Variants in APOBEC1 observed in about 807,000 individuals in gnomAD.
APOBEC1 encodes apolipoprotein B mRNA editing enzyme catalytic subunit 1, also known as C->U-editing enzyme APOBEC-1.
Under a neutral mutation model 26.3 loss-of-function variants are expected in APOBEC1, and 22 were observed. The observed-to-expected ratio is 0.84, with a 90% CI of 0.60 to 1.19. The LOEUF (loss-of-function observed/expected upper bound fraction) is 1.19, where lower values mean the gene tolerates loss of function less well. Ranked by LOEUF, APOBEC1 falls within the 50% of genes most tolerant of loss-of-function variation. The pLI is 0.00. For synonymous variants in APOBEC1, 77 were observed against 95.3 expected (o/e 0.81, Z 1.12); for missense variants, 253 against 289.0 (o/e 0.88, Z 0.90).
upstream of APOBEC1, among the ~76,000 whole-genome samples, chr12:7,670,028 G>A (rs1302049894): frequency 6.7e-6 from 1 of 149,998 alleles, no homozygotes; most frequent in Non-Finnish European, 1.5e-5. Flanking sequence ...TTGTTGCCCA[G>A]GTTGGAGTAC....
chr12:7,655,662 G>A (rs1210306930), intron 1 of APOBEC1, among the ~76,000 whole-genome samples: 1 of 152,202 alleles, frequency 6.6e-6, no homozygotes, highest in African/African-American at 2.4e-5. Flanking sequence ...TTGGAAAATA[G>A]AAAAGGAGGT....
intron 4 of APOBEC1, among the ~76,000 whole-genome samples, chr12:7,650,175 A>C (rs1413381595): frequency 2.0e-5 from 3 of 152,208 alleles, no homozygotes; most frequent in African/African-American, 7.2e-5. Context: ...AAGATTACAC[A>C]CACTAATAAG....
intron 3 of APOBEC1, among the ~76,000 whole-genome samples, chr12:7,651,381 C>T (rs1439946060): frequency 1.3e-5 from 2 of 151,912 alleles, no homozygotes; most frequent in Non-Finnish European, 2.9e-5. Context: ...TTTGGGAGGC[C>T]GAGGGGGGTG....
At chr12:7,663,302 G>T (rs888973222) in intron 1 of APOBEC1, among the ~76,000 whole-genome samples, 2 of 152,120 alleles carry the variant, frequency 1.3e-5, no homozygotes, top group Non-Finnish European at 2.9e-5. Flanking sequence ...GGCATGGCAT[G>T]GTTTTTTTGC....
intron 3 of APOBEC1, 77 bp downstream of exon 3, chr12:7,652,361 A>G: frequency 7.3e-7 from 1 of 1,367,024 alleles, no homozygotes; most frequent in East Asian, 2.3e-5. Flanking sequence ...TGGGCTAACC[A>G]ATCTTCTGGC....
chr12:7,660,670 T>TC (rs1863804338), intron 1 of APOBEC1, among the ~76,000 whole-genome samples: 1 of 130,986 alleles, frequency 7.6e-6, no homozygotes, highest in African/African-American at 2.9e-5. Context: ...GCCACTGCAC[T>TC]CCACCCTTGG....
intron 1 of APOBEC1, among the ~76,000 whole-genome samples, chr12:7,659,347 ATATG>A (rs1221311863): frequency 0.011 from 1,131 of 101,214 alleles, 52 homozygotes; most frequent in African/African-American, 0.027. Context: ...ATATATATAT[ATATG>A]TTTATATTTG....
At chr12:7,665,807 C>CACACACACACACACACACA in intron 1 of APOBEC1, 50 bp downstream of exon 1, 1 of 1,097,528 alleles carries the variant, frequency 9.1e-7, no homozygotes. Flanking sequence ...ACACACACAC[C>CACACACACACACACACACA]ATTCTTGCAT....
chr12:7,662,729 A>G (rs1863836820), intron 1 of APOBEC1, among the ~76,000 whole-genome samples: 1 of 152,206 alleles, frequency 6.6e-6, no homozygotes, highest in South Asian at 2.1e-4. Context: ...TTTAGAGAGC[A>G]AGACATGTGG....
At chr12:7,660,058 C>A (rs977915609) in intron 1 of APOBEC1, among the ~76,000 whole-genome samples, 2 of 152,006 alleles carry the variant, frequency 1.3e-5, no homozygotes, top group African/African-American at 4.8e-5. Flanking sequence ...GTAATCCCAA[C>A]ACTTGGGAGG....
Position 7,652,622 on chromosome 12 carries a change from C to T in APOBEC1, c.258G>A (p.Trp86Ter). 6.2e-7 allele frequency: 1 copy of T among 1,614,184 alleles called. No homozygotes were observed. The highest frequency in any genetic ancestry group is 1.1e-5 in the South Asian group (1 of 91,080). Residue 86 changes from tryptophan to a stop codon, truncating the protein, a stop_gained, in exon 3 of 5, where the codon TGG becomes TGA. Coordinates refer to ENST00000229304, the MANE Select transcript of APOBEC1 (RefSeq NM_001644.5). LOFTEE classifies it high-confidence loss of function. Reference protein sequence around the residue: ...FHPSMSCSITWFLSWSPCWEC... With the variant: ...FHPSMSCSIT ...CCCAGCAGGGACTCCAGGACAAGAA[C>T]CAGGTGATGGAGCAGCTCATGGATG...
intron 4 of APOBEC1, among the ~76,000 whole-genome samples, chr12:7,650,379 C>T (rs1863621615): frequency 6.6e-6 from 1 of 152,044 alleles, no homozygotes; most frequent in Non-Finnish European, 1.5e-5. Flanking sequence ...CTGTGAATAG[C>T]CGCTACACCC....
rs973896833 is a variant in APOBEC1 at position 7,651,047 on chromosome 12, T to C, written c.537A>G (p.Ala179=). The C allele has an allele frequency of 2.5e-6, 4 of 1,613,766 alleles. No homozygotes were observed. Among genetic ancestry groups the C allele is most frequent in the Non-Finnish European group, 3.4e-6 (4 of 1,179,636 alleles). Residue 179 remains alanine (A), a synonymous_variant, in exon 4 of 5, where the codon GCA becomes GCG. Coordinates refer to ENST00000229304, the MANE Select transcript of APOBEC1 (RefSeq NM_001644.5). ...CTAGAATTATGCAGTGCAGCTCCAG[T>C]GCGTACAACATCATCCACAGAGGTG... The part of the protein sequence containing the change: ...QYPPLWMMLY[A]LELHCIILSL...
intron 1 of APOBEC1, among the ~76,000 whole-genome samples, chr12:7,659,322 AATATATATATAT>A (rs1328982852): frequency 4.3e-4 from 20 of 46,288 alleles, no homozygotes; most frequent in African/African-American, 2.5e-3. Flanking sequence ...AAAAAAAAAA[AATATATATATAT>A]ATATATATAT....
At chr12:7,658,695 C>T (rs929282241) in intron 1 of APOBEC1, among the ~76,000 whole-genome samples, 9 of 152,052 alleles carry the variant, frequency 5.9e-5, no homozygotes, top group African/African-American at 9.7e-5. Flanking sequence ...TTAGGCCAGG[C>T]GCGGTGGCTG....
intron 1 of APOBEC1, among the ~76,000 whole-genome samples, chr12:7,663,598 A>T (rs1329238316): frequency 6.6e-6 from 1 of 152,158 alleles, no homozygotes; most frequent in Non-Finnish European, 1.5e-5. Context: ...GGAAAAAGGC[A>T]TTTGATGATG....
intron 1 of APOBEC1, among the ~76,000 whole-genome samples, chr12:7,662,476 G>A (rs201641454): frequency 6.6e-6 from 1 of 151,562 alleles, no homozygotes; most frequent in Non-Finnish European, 1.5e-5. Flanking sequence ...CCAGCTATTC[G>A]GGAGGCTGAG....
At chr12:7,669,464 A>G (rs1565445025), upstream of APOBEC1, among the ~76,000 whole-genome samples, 2 of 152,180 alleles carry the variant, frequency 1.3e-5, no homozygotes, top group South Asian at 4.1e-4. Flanking sequence ...ACATTTGTAT[A>G]CAATTCTTTG....
intron 1 of APOBEC1, among the ~76,000 whole-genome samples, chr12:7,656,770 G>A (rs1205132750): frequency 6.6e-6 from 1 of 152,164 alleles, no homozygotes; most frequent in Non-Finnish European, 1.5e-5. Flanking sequence ...CATTTGCAAG[G>A]TGCCTGACGC....
Sources: gnomAD v4.1 joint callset for allele counts (sites outside exome capture counted in the v4.1 genomes callset) on GRCh38, gnomAD v4.1.1 for gene constraint, MANE v1.5 for transcripts, NCBI Gene and HGNC (gene_info 2026-07-23, HGNC 2026-07-21) for gene names.